Variants in PAH observed in about 807,000 individuals in gnomAD.
The protein encoded by PAH is phenylalanine-4-hydroxylase.
A neutral mutation model predicts 62.0 loss-of-function variants in PAH; 64 were observed. The observed-to-expected ratio is 1.03, with a 90% CI of 0.84 to 1.27. The LOEUF is 1.27. Ranked by LOEUF, PAH falls within the 50% of genes most tolerant of loss-of-function variation. The probability of loss-of-function intolerance (pLI) is 0.00; values close to 1 mark genes in which losing one functional copy is unlikely to be tolerated. For synonymous variants in PAH, 195 were observed against 196.2 expected, an observed-to-expected ratio of 0.99 and a Z score of 0.05; for missense variants, 579 against 542.8, an observed-to-expected ratio of 1.07 and a Z score of -0.66.
At position 102,877,483 on chromosome 12, in the gene PAH, C is replaced by T. The variant is rs200366386; in HGVS notation, c.420G>A (p.Ala140=). 3.3e-5 allele frequency: 53 copies of T among 1,613,788 alleles called. No individual in the cohort carries two copies. The highest frequency in any genetic ancestry group is 1.0e-4 in the Admixed American group (6 of 59,992). ...TCACAGGGTGGTCAGCATCCAGTTCCGCTCCATAGCTGAGAATCTGATTGG... is the reference window on the plus strand; with the variant it reads ...TCACAGGGTGGTCAGCATCCAGTTCTGCTCCATAGCTGAGAATCTGATTGG... ...RFANQILSYG[A]ELDADHPGFK... is the part of the protein sequence containing the mutation. Residue 140 remains alanine, a synonymous_variant, in exon 4 of 13, where the codon GCG becomes GCA. Transcript: ENST00000553106.
At chr12:102,844,740 T>C (rs573302036) in intron 9 of PAH, among the ~76,000 whole-genome samples, 16 of 152,272 alleles carry the variant, frequency 1.1e-4, no homozygotes, top group African/African-American at 3.1e-4. Flanking sequence ...CCCTTAGACA[T>C]CAGAACTCCA....
chr12:102,881,040 G>A (rs1228743902), intron 3 of PAH, among the ~76,000 whole-genome samples: 1 of 150,562 alleles, frequency 6.6e-6, no homozygotes, highest in Non-Finnish European at 1.5e-5. Context: ...TTGAGACAGA[G>A]TCTTGCTCTA....
exon 1 of PAH, chr12:102,958,249 A>T: frequency 6.8e-7 from 1 of 1,470,426 alleles, no homozygotes. Flanking sequence ...CTGCGCATGG[A>T]AAGCTCTGCC....
intron 2 of PAH, among the ~76,000 whole-genome samples, chr12:102,897,465 G>A (rs201153346): frequency 0.091 from 8,385 of 92,448 alleles, 842 homozygotes; most frequent in African/African-American, 0.27. Context: ...GTGTGTGTGT[G>A]TATATATATA....
At chr12:102,929,399 G>A (rs1265790035) in intron 1 of PAH, among the ~76,000 whole-genome samples, 1 of 152,130 alleles carries the variant, frequency 6.6e-6, no homozygotes, top group Non-Finnish European at 1.5e-5. Context: ...AAAGGGAAGG[G>A]AAGAACCTGG....
At chr12:102,859,040 T>A (rs1009548006) in intron 5 of PAH, among the ~76,000 whole-genome samples, 1 of 151,938 alleles carries the variant, frequency 6.6e-6, no homozygotes. Flanking sequence ...CAGGAGCTGG[T>A]TTTTTTGAAA....
rs2136635626 is a variant in PAH at position 102,843,702 on chromosome 12, C to T, written c.1143G>A (p.Glu381=). The T allele has an allele frequency of 1.2e-6, 2 of 1,613,538 alleles. No homozygotes were observed. Among genetic ancestry groups the T allele is most frequent in the East Asian group, 2.2e-5 (1 of 44,874 alleles). Reference sequence around the variant, plus strand: ...CTGCCACGTAATAGAGGGGCTGGAACTCCGTGACAGTGTAATTTTGGATGG... The same window carrying T: ...CTGCCACGTAATAGAGGGGCTGGAATTCCGTGACAGTGTAATTTTGGATGG... ...KTAIQNYTVT[E]FQPLYYVAES... The change falls in exon 11 of 13, where the codon GAG becomes GAA. Residue 381 remains glutamate (E), a synonymous_variant. Transcript: ENST00000553106.
chr12:102,852,964 A>G lies in PAH; in HGVS notation c.707-14T>C, dbSNP rs1875248841. Reference sequence around the variant, plus strand: ...AACCAGTGCAAGCTGGGATGAAAAGAAGAAAGAAAACTCAAAGCTCATCAC... The same window carrying G: ...AACCAGTGCAAGCTGGGATGAAAAGGAGAAAGAAAACTCAAAGCTCATCAC... On this transcript the variant is annotated splice_polypyrimidine_tract_variant and intron_variant, in intron 6 of 12. Coordinates refer to ENST00000553106, the MANE Select transcript of PAH (RefSeq NM_000277.3). 3 of 1,613,898 alleles carry G rather than the reference A, an allele frequency of 1.9e-6. No individual in the cohort carries two copies. The highest frequency in any genetic ancestry group is 2.5e-6 in the Non-Finnish European group (3 of 1,179,934).
At chr12:102,841,227 C>T (rs141075286) in intron 11 of PAH, among the ~76,000 whole-genome samples, 41 of 152,268 alleles carry the variant, frequency 2.7e-4, no homozygotes, top group African/African-American at 9.1e-4. Flanking sequence ...CTTCCCAGTG[C>T]CTTACTCCTG....
intron 2 of PAH, 54 bp downstream of exon 2, chr12:102,912,737 A>G: frequency 8.1e-7 from 1 of 1,236,650 alleles, no homozygotes; most frequent in Non-Finnish European, 1.2e-6. Flanking sequence ...ACTAGAAAAG[A>G]ACATGGAAGT....
intron 6 of PAH, among the ~76,000 whole-genome samples, chr12:102,854,387 A>G (rs1003084086): frequency 6.6e-6 from 1 of 152,174 alleles, no homozygotes; most frequent in African/African-American, 2.4e-5. Flanking sequence ...GTGCTAGTTC[A>G]TTATTTTGTT....
intron 2 of PAH, among the ~76,000 whole-genome samples, chr12:102,902,649 G>A (rs2136712685): frequency 6.6e-6 from 1 of 152,290 alleles, no homozygotes; most frequent in African/African-American, 2.4e-5. Flanking sequence ...GCATTTACAG[G>A]AAACCAGAAA....
At chr12:102,923,865 C>T (rs972270965) in intron 1 of PAH, among the ~76,000 whole-genome samples, 2 of 152,090 alleles carry the variant, frequency 1.3e-5, no homozygotes, top group African/African-American at 2.4e-5. Context: ...GTTATCTCAC[C>T]GTGCAGCCTA....
intron 1 of PAH, among the ~76,000 whole-genome samples, chr12:102,916,241 C>A (rs1408425299): frequency 1.3e-5 from 2 of 152,132 alleles, no homozygotes; most frequent in African/African-American, 4.8e-5. Flanking sequence ...TCTCTCCAGC[C>A]TCCCTGTTTT....
In PAH at chr12:102,914,260, TA is replaced by T. The variant is rs376368889; in HGVS notation, c.61-1363del. On this transcript the variant is annotated intron_variant, in intron 1 of 12. Transcript: ENST00000553106. ...CATTTTGATCATGATGTTATCTTTC[TA>T]AAAAACTTCATTTATTTAGAGCCTA... Among the ~76,000 whole-genome samples, 52 of 152,344 alleles carry T rather than the reference TA, an allele frequency of 3.4e-4. 1 individual carries two copies. The East Asian group carries it at 8.3e-3, about 24-fold the overall frequency.
intron 1 of PAH, among the ~76,000 whole-genome samples, chr12:102,931,859 G>T (rs117458918): frequency 6.6e-6 from 1 of 152,056 alleles, no homozygotes; most frequent in Non-Finnish European, 1.5e-5. Flanking sequence ...TCCAATAAAC[G>T]TTGATGCAGT....
chr12:102,910,589 C>A (rs1878167822), intron 2 of PAH, among the ~76,000 whole-genome samples: 1 of 152,110 alleles, frequency 6.6e-6, no homozygotes, highest in Non-Finnish European at 1.5e-5. Context: ...CCAGGATGGT[C>A]TCGATCTCCT....
At chr12:102,944,396 G>C (rs1339907611) in intron 1 of PAH, among the ~76,000 whole-genome samples, 1 of 151,898 alleles carries the variant, frequency 6.6e-6, no homozygotes, top group Non-Finnish European at 1.5e-5. Flanking sequence ...ACAACTCTTA[G>C]GTCTGCTCTT....
chr12:102,877,119 G>A, intron 4 of PAH: 1 of 375,566 alleles, frequency 2.7e-6, no homozygotes, highest in Non-Finnish European at 5.1e-6. Flanking sequence ...AGTACAGGTT[G>A]CTGTTTACCA....
Sources: gnomAD v4.1 joint callset for allele counts (sites outside exome capture counted in the v4.1 genomes callset) on GRCh38, gnomAD v4.1.1 for gene constraint, MANE v1.5 for transcripts, NCBI Gene and HGNC (gene_info 2026-07-23, HGNC 2026-07-21) for gene names.